The following NRXN1 variants were observed in gnomAD, a reference collection of about 807,000 sequenced individuals.
NRXN1 encodes the protein neurexin 1.
In NRXN1, 39 loss-of-function variants were observed where a neutral mutation model predicts 150.9. The observed-to-expected ratio is 0.26, with a 90% confidence interval of 0.20 to 0.34. NRXN1 has a LOEUF of 0.34. Among genes scored for constraint, NRXN1 ranks in the 10% least tolerant of loss-of-function variants. The pLI, the probability that NRXN1 is intolerant of heterozygous loss-of-function variation, is 1.00. For synonymous variants in NRXN1, 924 were observed against 757.0 expected, an observed-to-expected ratio of 1.22 and a Z score of -3.62; for missense variants, 1,815 against 1,949.9, an observed-to-expected ratio of 0.93 and a Z score of 1.30.
chr2:51,000,902 T>C (rs969908299), intron 2 of NRXN1, among the ~76,000 whole-genome samples: 3 of 151,838 alleles, frequency 2.0e-5, no homozygotes, highest in Non-Finnish European at 4.4e-5. Flanking sequence ...CTCCTCCACT[T>C]TTCTGTTTCC....
chr2:50,679,736 A>G (rs1223367486), intron 5 of NRXN1, among the ~76,000 whole-genome samples: 2 of 152,208 alleles, frequency 1.3e-5, no homozygotes, highest in South Asian at 2.1e-4. Context: ...AAGTATAAGT[A>G]ATTTGCCCTG....
At chr2:50,696,753 T>C (rs994991) in intron 5 of NRXN1, among the ~76,000 whole-genome samples, 49,820 of 151,934 alleles carry the variant, frequency 0.33, 8,986 homozygotes, top group East Asian at 0.56. Context: ...GATAAACATA[T>C]TTATTTGATT....
At chr2:50,240,631 A>C (rs532404766) in intron 17 of NRXN1, among the ~76,000 whole-genome samples, 76 of 151,800 alleles carry the variant, frequency 5.0e-4, no homozygotes, top group African/African-American at 1.7e-3. Context: ...TTAGAGATTA[A>C]GAATGTAAAC....
intron 17 of NRXN1, among the ~76,000 whole-genome samples, chr2:50,290,523 T>C (rs951610522): frequency 4.6e-5 from 7 of 152,164 alleles, no homozygotes; most frequent in Non-Finnish European, 7.4e-5. Context: ...TATTCTTTCT[T>C]ATTAATAAAC....
intron 12 of NRXN1, among the ~76,000 whole-genome samples, chr2:50,520,550 T>G (rs2105118317): frequency 6.6e-6 from 1 of 152,016 alleles, no homozygotes; most frequent in African/African-American, 2.4e-5. Flanking sequence ...AGAAAAGCAA[T>G]TTTGTTATGA....
intron 17 of NRXN1, among the ~76,000 whole-genome samples, chr2:50,411,802 C>A (rs1272153178): frequency 6.6e-6 from 1 of 152,214 alleles, no homozygotes; most frequent in Non-Finnish European, 1.5e-5. Flanking sequence ...GCTGCCACCC[C>A]GTCCCGGAGG....
intron 5 of NRXN1, among the ~76,000 whole-genome samples, chr2:50,778,770 C>T (rs1348844111): frequency 6.6e-6 from 1 of 152,124 alleles, no homozygotes; most frequent in African/African-American, 2.4e-5. Flanking sequence ...TTTGTGCAAG[C>T]TGCTGATGTT....
At chr2:50,350,922 A>T (rs1038887040) in intron 17 of NRXN1, among the ~76,000 whole-genome samples, 1 of 152,188 alleles carries the variant, frequency 6.6e-6, no homozygotes, top group Non-Finnish European at 1.5e-5. Flanking sequence ...CCTTTGCAAT[A>T]CTTAGGAGGT....
At chr2:50,225,936 T>C (rs1431314251) in intron 18 of NRXN1, among the ~76,000 whole-genome samples, 1 of 152,028 alleles carries the variant, frequency 6.6e-6, no homozygotes, top group Non-Finnish European at 1.5e-5. Context: ...CCATAATTTA[T>C]GTGATATGTG....
intron 17 of NRXN1, among the ~76,000 whole-genome samples, chr2:50,238,611 T>C (rs2065693185): frequency 6.6e-6 from 1 of 152,026 alleles, no homozygotes; most frequent in Non-Finnish European, 1.5e-5. Context: ...TGAATTGCCA[T>C]GATTACCAAG....
At position 50,523,150 on chromosome 2, in the gene NRXN1, T is replaced by TTTA. The variant is rs10672773; in HGVS notation, c.2374+5474_2374+5475insTAA. On this transcript the variant is annotated intron_variant, in intron 12 of 22. Transcript: ENST00000401669. The stretch of plus-strand genomic sequence containing the variant: ...TTTACATTTTACATGCAATTTTTTT[T>TTTA]GATTTTTGCTGAAAATAATAATTTA... Among the ~76,000 whole-genome samples, 48 of 152,008 alleles carry TTTA rather than the reference T, an allele frequency of 3.2e-4. No homozygotes were observed. The East Asian group carries it at 5.4e-3, about 17-fold the overall frequency.
At chr2:50,854,136 A>G (rs1208377858) in intron 5 of NRXN1, among the ~76,000 whole-genome samples, 1 of 152,108 alleles carries the variant, frequency 6.6e-6, no homozygotes, top group Admixed American at 6.6e-5. Context: ...CAGATATAGC[A>G]ATAGATGTTT....
At chr2:50,283,162 A>G (rs2071682453) in intron 17 of NRXN1, among the ~76,000 whole-genome samples, 1 of 152,330 alleles carries the variant, frequency 6.6e-6, no homozygotes, top group Admixed American at 6.5e-5. Context: ...AAAAAGTATT[A>G]CCAAATGAAA....
Position 50,910,214 on chromosome 2 carries a change from TTG to T in NRXN1, c.832+11653_832+11654del, listed in dbSNP as rs1684326181. Among the ~76,000 whole-genome samples the T allele has an allele frequency of 3.9e-5, 6 of 152,174 alleles. No individual in the cohort carries two copies. The South Asian group carries it at 1.2e-3, about 32-fold the overall frequency. On this transcript the variant is annotated intron_variant, in intron 5 of 22. Coordinates refer to ENST00000401669, the MANE Select transcript of NRXN1 (RefSeq NM_001330078.2). ...TTTTTTGATCTTTCCTCCATGTAGT[TTG>T]TGATTTAAAAAGTTAGTTGTTTCCT...
At chr2:50,638,650 T>G (rs901574124) in intron 5 of NRXN1, among the ~76,000 whole-genome samples, 1 of 152,164 alleles carries the variant, frequency 6.6e-6, no homozygotes, top group South Asian at 2.1e-4. Flanking sequence ...TCCAATTGCT[T>G]TTTTTGTTGT....
chr2:50,026,614 C>T (rs764100577), intron 21 of NRXN1, among the ~76,000 whole-genome samples: 14 of 152,030 alleles, frequency 9.2e-5, no homozygotes, highest in Non-Finnish European at 1.6e-4. Context: ...AAAGAACACA[C>T]TTTTCCTGAA....
chr2:50,415,298 C>A (rs1369618515), intron 17 of NRXN1, among the ~76,000 whole-genome samples: 2 of 152,064 alleles, frequency 1.3e-5, no homozygotes, highest in Non-Finnish European at 2.9e-5. Flanking sequence ...TTTCACAGAA[C>A]TCATTTTCTA....
intron 17 of NRXN1, among the ~76,000 whole-genome samples, chr2:50,445,323 G>C (rs1225514891): frequency 1.3e-5 from 2 of 152,166 alleles, no homozygotes; most frequent in African/African-American, 4.8e-5. Flanking sequence ...TTTTCAACTA[G>C]AGGAAGTACG....
At chr2:50,956,702 G>C (rs1000689600) in intron 2 of NRXN1, among the ~76,000 whole-genome samples, 2 of 151,782 alleles carry the variant, frequency 1.3e-5, no homozygotes, top group Non-Finnish European at 2.9e-5. Flanking sequence ...GGGCGACAGA[G>C]TGAGACTATC....
Sources: gnomAD v4.1 joint callset for allele counts (sites outside exome capture counted in the v4.1 genomes callset) on GRCh38, gnomAD v4.1.1 for gene constraint, MANE v1.5 for transcripts, NCBI Gene and HGNC (gene_info 2026-07-23, HGNC 2026-07-21) for gene names.